TTC34: variants seen among roughly 807,000 people sequenced by gnomAD.
The protein encoded by TTC34 is tetratricopeptide repeat protein 34.
In TTC34, 44 loss-of-function variants were observed where a neutral mutation model predicts 40.7. The ratio of observed to expected loss-of-function variants is 1.08; its 90% confidence interval spans 0.85 to 1.39. The LOEUF (loss-of-function observed/expected upper bound fraction) is 1.39, where lower values mean the gene tolerates loss of function less well. TTC34 is among the 40% of genes most tolerant of loss of function. The pLI, the probability that TTC34 is intolerant of heterozygous loss-of-function variation, is 0.00. For missense variants in TTC34, 884 were observed against 838.0 expected (o/e 1.05, Z -0.68); for synonymous variants, 422 against 398.6 (o/e 1.06, Z -0.70).
chr1:2,673,386 G>T (rs1481441015), intron 6 of TTC34, among the ~76,000 whole-genome samples: 1 of 72,592 alleles, frequency 1.4e-5, no homozygotes, highest in African/African-American at 5.0e-5. Flanking sequence ...GCCTGGGTCG[G>T]CACCCACACC....
chr1:2,748,584 T>C (rs1569683472), intron 6 of TTC34, among the ~76,000 whole-genome samples: 335 of 113,484 alleles, frequency 3.0e-3, no homozygotes, highest in African/African-American at 3.8e-3. Flanking sequence ...TCTGACAGCC[T>C]GGAGCAGCAC....
chr1:2,649,667 G>T (rs1431288928), intron 6 of TTC34, among the ~76,000 whole-genome samples: 2 of 152,202 alleles, frequency 1.3e-5, no homozygotes, highest in Non-Finnish European at 2.9e-5. Flanking sequence ...AGCCTCCTGA[G>T]TAGCTGCGAC....
At chr1:2,692,646 C>T (rs528501516) in intron 6 of TTC34, among the ~76,000 whole-genome samples, 1 of 113,354 alleles carries the variant, frequency 8.8e-6, no homozygotes, top group Non-Finnish European at 1.8e-5. Flanking sequence ...CATCTGACAT[C>T]GTGGAGCAGC....
chr1:2,781,285 A>C (rs943600257), intron 6 of TTC34, among the ~76,000 whole-genome samples: 1 of 152,222 alleles, frequency 6.6e-6, no homozygotes, highest in African/African-American at 2.4e-5. Flanking sequence ...AACCAATCCC[A>C]TGTGTATACC....
Position 2,695,697 on chromosome 1 carries a change from C to A in TTC34, c.2227-50134G>T, listed in dbSNP as rs1446686013. Among the ~76,000 whole-genome samples the A allele has an allele frequency of 5.1e-5, 7 of 137,812 alleles. No homozygotes were observed. The South Asian group carries it at 6.9e-4, about 14-fold the overall frequency. 90.4% of individuals were successfully genotyped at this position (137,812 alleles called of 152,430 possible). A position where few individuals can be genotyped will look rare whatever the true frequency, so the allele number is the denominator to read the frequency against. ...ACACCCCCAGGTGAGCATCTGACAG[C>A]CTGGAACAGCACCCACACCCCCAGG... is the stretch of plus-strand genomic sequence containing the variant. On this transcript the variant is annotated intron_variant, in intron 6 of 8. Coordinates refer to ENST00000401095, the Ensembl canonical transcript of TTC34.
intron 6 of TTC34, among the ~76,000 whole-genome samples, chr1:2,695,956 CCACAGTTGAGCATCTGATAGCCTGG>C (rs1640845688): frequency 3.8e-5 from 2 of 52,986 alleles, no homozygotes; most frequent in African/African-American, 6.2e-5. Flanking sequence ...GTACCCACAC[CCACAGTTGAGCATCTGATAGCCTGG>C]AACAGAACCC....
At chr1:2,646,057 C>T (rs972488701) in intron 6 of TTC34, among the ~76,000 whole-genome samples, 1 of 152,204 alleles carries the variant, frequency 6.6e-6, no homozygotes, top group Non-Finnish European at 1.5e-5. Flanking sequence ...AGCCCAGTTA[C>T]TGCTCTCCCG....
chr1:2,757,604 T>C (rs1641549141), intron 6 of TTC34, among the ~76,000 whole-genome samples: 5 of 140,594 alleles, frequency 3.6e-5, no homozygotes, highest in African/African-American at 1.4e-4. Flanking sequence ...CAGGCGAGCA[T>C]CCGCCAGCCT....
At chr1:2,755,958 T>A (rs1363729149) in intron 6 of TTC34, among the ~76,000 whole-genome samples, 2 of 74,372 alleles carry the variant, frequency 2.7e-5, no homozygotes, top group African/African-American at 1.1e-4. Flanking sequence ...CAGGTGAGGA[T>A]CTGACAGCCT....
At chr1:2,757,807 C>T (rs1441146943) in intron 6 of TTC34, among the ~76,000 whole-genome samples, 25 of 140,372 alleles carry the variant, frequency 1.8e-4, no homozygotes, top group African/African-American at 5.6e-4. Context: ...GGCGAGCATC[C>T]GACAGCCTGG....
chr1:2,688,127 C>A (rs1170329206), intron 6 of TTC34, among the ~76,000 whole-genome samples: 3 of 141,038 alleles, frequency 2.1e-5, no homozygotes, highest in Non-Finnish European at 3.1e-5. Flanking sequence ...AGCACCCACA[C>A]CCCCAGGCGA....
intron 6 of TTC34, among the ~76,000 whole-genome samples, chr1:2,699,974 C>A (rs560262811): frequency 1.1e-4 from 11 of 101,662 alleles, no homozygotes; most frequent in South Asian, 3.2e-4. Flanking sequence ...TGCTCACACC[C>A]CAAGGTGAGC....
At chr1:2,755,951 G>T (rs1264725980) in intron 6 of TTC34, among the ~76,000 whole-genome samples, 1 of 78,724 alleles carries the variant, frequency 1.3e-5, no homozygotes, top group Non-Finnish European at 2.2e-5. Context: ...GCACCCCCAG[G>T]TGAGGATCTG....
At chr1:2,688,170 C>G (rs541222583) in intron 6 of TTC34, among the ~76,000 whole-genome samples, 1 of 152,098 alleles carries the variant, frequency 6.6e-6, no homozygotes, top group African/African-American at 2.4e-5. Context: ...ACCCACACCC[C>G]CAGGCGAGCA....
In TTC34 at chr1:2,648,509, G is replaced by T. The variant is rs114929444; in HGVS notation, c.2227-2946C>A. On this transcript the variant is annotated intron_variant, in intron 6 of 8. Transcript: ENST00000401095. ...AGGTCACAGCTCTTTGCTGCCTGTT[G>T]TTTGGTGCCTGGAAACATTTGCTCA... 2.6e-5 allele frequency among the ~76,000 whole-genome samples: 4 copies of T among 152,064 alleles called. No individual in the cohort carries two copies. In the South Asian group the frequency reaches 8.3e-4, roughly 32 times the overall value.
chr1:2,673,813 GGA>G (rs1639789060), intron 6 of TTC34, among the ~76,000 whole-genome samples: 1 of 22,228 alleles, frequency 4.5e-5, no homozygotes, highest in South Asian at 1.0e-3. Flanking sequence ...GGTGAGCATC[GGA>G]GAGTCTGGAG....
rs1340296444 is a variant in TTC34 at position 2,752,291 on chromosome 1, C to A, written c.2226+31318G>T. ...GACAGCCTGGAACAGCACCTTGCAC[C>A]CCCAGGGGAGCATCTGACAGCCTGG... On this transcript the variant is annotated intron_variant, in intron 6 of 8. Coordinates refer to ENST00000401095, the Ensembl canonical transcript of TTC34. 2.0e-4 allele frequency among the ~76,000 whole-genome samples: 22 copies of A among 110,042 alleles called. 5 individuals are homozygous for A. The highest frequency in any genetic ancestry group is 1.4e-3 in the Admixed American group (15 of 10,834). 72.2% of individuals were successfully genotyped at this position (110,042 alleles called of 152,430 possible). A position where few individuals can be genotyped will look rare whatever the true frequency, so the allele number is the denominator to read the frequency against.
In TTC34 at chr1:2,751,647, C is replaced by A. The variant is rs1164093954; in HGVS notation, c.2226+31962G>T. Reference sequence around the variant, plus strand: ...CTGACGGCCTGGAACAGCACCCACACCCCCAGTTGAGCATTGGACAGCCTG... The same window carrying A: ...CTGACGGCCTGGAACAGCACCCACAACCCCAGTTGAGCATTGGACAGCCTG... On this transcript the variant is annotated intron_variant, in intron 6 of 8. Coordinates refer to ENST00000401095, the Ensembl canonical transcript of TTC34. Among the ~76,000 whole-genome samples, 35 of 70,344 alleles carry A rather than the reference C, an allele frequency of 5.0e-4. 1 individual carries two copies. Among genetic ancestry groups the A allele is most frequent in the African/African-American group, 1.1e-3 (14 of 12,572 alleles). The allele number at this position is 70,344 out of a possible 152,430, so 46.1% of individuals were successfully genotyped here.
chr1:2,652,431 A>G (rs568519487), intron 6 of TTC34, among the ~76,000 whole-genome samples: 1 of 152,272 alleles, frequency 6.6e-6, no homozygotes, highest in East Asian at 1.9e-4. Context: ...GACAGCCTGG[A>G]ACAGCACCCA....
Sources: gnomAD v4.1 joint callset for allele counts (sites outside exome capture counted in the v4.1 genomes callset) on GRCh38, gnomAD v4.1.1 for gene constraint, MANE v1.5 for transcripts, NCBI Gene and HGNC (gene_info 2026-07-23, HGNC 2026-07-21) for gene names.